The following KHDRBS2 variants were observed in gnomAD, a reference collection of about 807,000 sequenced individuals.
KHDRBS2 encodes the protein KH domain-containing, RNA-binding, signal transduction-associated protein 2.
KHDRBS2 carries 26 observed loss-of-function variants against 44.3 expected under a neutral mutation model. The observed-to-expected ratio is 0.59, with a 90% confidence interval of 0.43 to 0.81. KHDRBS2 has a LOEUF of 0.81. Among genes scored for constraint, KHDRBS2 ranks in the 40% least tolerant of loss-of-function variants. The pLI is 0.00. For missense variants in KHDRBS2, 476 were observed against 433.1 expected (o/e 1.10, Z -0.88); for synonymous variants, 194 against 151.1 (o/e 1.28, Z -2.08).
At chr6:61,820,310 G>A (rs1458462250) in intron 6 of KHDRBS2, among the ~76,000 whole-genome samples, 1 of 152,018 alleles carries the variant, frequency 6.6e-6, no homozygotes, top group Non-Finnish European at 1.5e-5. Context: ...GGACATTCAG[G>A]ATGCGTTTTG....
intron 1 of KHDRBS2, among the ~76,000 whole-genome samples, chr6:62,256,003 T>A (rs918774641): frequency 1.3e-5 from 2 of 151,592 alleles, no homozygotes; most frequent in Non-Finnish European, 2.9e-5. Flanking sequence ...GGCAAAGTGA[T>A]GAGCACCTAT....
rs117759473 is a variant in KHDRBS2, at chr6:62,169,741, A to T, written c.219+7444T>A. Among the ~76,000 whole-genome samples the T allele has an allele frequency of 7.3e-4, 111 of 152,118 alleles. 2 individuals are homozygous for T. Among genetic ancestry groups the T allele is most frequent in the East Asian group, 6.4e-3 (33 of 5,122 alleles). On this transcript the variant is annotated intron_variant, in intron 2 of 8. Transcript: ENST00000281156. ...CACTGCATTACACCACACACTTCTA[A>T]ACTGAGGCAGAGAACTACCAGTAGT...
intron 7 of KHDRBS2, among the ~76,000 whole-genome samples, chr6:61,723,733 G>T (rs1773083416): frequency 6.6e-6 from 1 of 152,096 alleles, no homozygotes; most frequent in Admixed American, 6.6e-5. Flanking sequence ...AGAGCTTGAA[G>T]ACTATCTTTT....
intron 7 of KHDRBS2, among the ~76,000 whole-genome samples, chr6:61,706,948 AAAAACAAAAAC>A (rs1769672581): frequency 1.1e-5 from 1 of 91,938 alleles, no homozygotes; most frequent in Non-Finnish European, 2.4e-5. Context: ...AAACAAAAAC[AAAAACAAAAAC>A]AAAACAGTTA....
chr6:61,626,182 G>A, the KHDRBS2 span, among the ~76,000 whole-genome samples: 1 of 152,094 alleles, frequency 6.6e-6, no homozygotes, highest in African/African-American at 2.4e-5. Flanking sequence ...TTCAAAGGTT[G>A]AACAATAAAT....
chr6:62,094,380 A>C (rs1172439913), intron 2 of KHDRBS2, among the ~76,000 whole-genome samples: 1 of 151,706 alleles, frequency 6.6e-6, no homozygotes, highest in Non-Finnish European at 1.5e-5. Flanking sequence ...TTTCTTAATA[A>C]GGTTATTTTT....
chr6:62,089,898 T>TA (rs1799175575), intron 2 of KHDRBS2, among the ~76,000 whole-genome samples: 1 of 152,094 alleles, frequency 6.6e-6, no homozygotes, highest in Non-Finnish European at 1.5e-5. Flanking sequence ...AAGAAAAACT[T>TA]AGAATAAAGC....
chr6:62,045,393 CCTT>C (rs2127303817), intron 3 of KHDRBS2, among the ~76,000 whole-genome samples: 1 of 152,098 alleles, frequency 6.6e-6, no homozygotes, highest in Admixed American at 6.6e-5. Context: ...ATGTTTGGCT[CCTT>C]CTCATCTTCC....
intron 4 of KHDRBS2, among the ~76,000 whole-genome samples, chr6:61,954,253 C>T (rs1365048090): frequency 6.6e-6 from 1 of 151,524 alleles, no homozygotes; most frequent in Non-Finnish European, 1.5e-5. Flanking sequence ...GTGTGTGTCT[C>T]TGTGTGTATG....
chr6:61,771,849 T>C (rs988429736), intron 6 of KHDRBS2, among the ~76,000 whole-genome samples: 1 of 152,190 alleles, frequency 6.6e-6, no homozygotes, highest in Non-Finnish European at 1.5e-5. Flanking sequence ...AATAGAAATC[T>C]ACAGAACTCT....
At chr6:61,790,598 A>T (rs985582061) in intron 6 of KHDRBS2, among the ~76,000 whole-genome samples, 1 of 151,472 alleles carries the variant, frequency 6.6e-6, no homozygotes, top group Admixed American at 6.6e-5. Context: ...GGATTTTAAA[A>T]CTAAATCACC....
chr6:62,042,782 A>G (rs891080807), intron 3 of KHDRBS2, among the ~76,000 whole-genome samples: 39 of 152,156 alleles, frequency 2.6e-4, no homozygotes. Context: ...ATGCAGAAGA[A>G]ATATTCTAGA....
chr6:62,065,948 G>C (rs185621966), intron 2 of KHDRBS2, among the ~76,000 whole-genome samples: 2 of 151,186 alleles, frequency 1.3e-5, no homozygotes, highest in African/African-American at 2.4e-5. Context: ...TTGTTTTTTT[G>C]TGCTAATCAT....
chr6:61,545,080 T>TA, the KHDRBS2 span, among the ~76,000 whole-genome samples: 37 of 151,962 alleles, frequency 2.4e-4, no homozygotes, highest in East Asian at 7.8e-4. Context: ...TCAAGTATAA[T>TA]AAAAAAAATT....
intron 1 of KHDRBS2, among the ~76,000 whole-genome samples, chr6:62,225,576 G>T (rs558353838): frequency 6.6e-6 from 1 of 152,004 alleles, no homozygotes; most frequent in South Asian, 2.1e-4. Flanking sequence ...AACATGTAGG[G>T]TTGTTACATA....
intron 3 of KHDRBS2, among the ~76,000 whole-genome samples, chr6:61,979,415 T>C (rs1315270237): frequency 6.6e-6 from 1 of 152,152 alleles, no homozygotes; most frequent in African/African-American, 2.4e-5. Context: ...ATGACATGAA[T>C]AGACCTTACC....
At chr6:62,219,155 A>G (rs760926678) in intron 1 of KHDRBS2, among the ~76,000 whole-genome samples, 76 of 150,346 alleles carry the variant, frequency 5.1e-4, no homozygotes, top group Non-Finnish European at 5.8e-4. Context: ...TTAAATTTAT[A>G]CAAATAAAAA....
chr6:61,660,243 G>C, the KHDRBS2 span, among the ~76,000 whole-genome samples: 3 of 151,744 alleles, frequency 2.0e-5, no homozygotes, highest in Non-Finnish European at 2.9e-5. Context: ...AAAAGAGTTT[G>C]GAAAGATGTT....
intron 2 of KHDRBS2, among the ~76,000 whole-genome samples, chr6:62,169,939 G>A (rs1819668239): frequency 6.6e-6 from 1 of 151,324 alleles, no homozygotes; most frequent in African/African-American, 2.4e-5. Context: ...CTGTCCCAGT[G>A]GTCCCTCTTC....
Sources: gnomAD v4.1 joint callset for allele counts (sites outside exome capture counted in the v4.1 genomes callset) on GRCh38, gnomAD v4.1.1 for gene constraint, MANE v1.5 for transcripts, NCBI Gene and HGNC (gene_info 2026-07-23, HGNC 2026-07-21) for gene names.